Variants in SLC1A4 observed in about 807,000 individuals in gnomAD.
SLC1A4 encodes neutral amino acid transporter A.
A neutral mutation model predicts 37.7 loss-of-function variants in SLC1A4; 19 were observed. That is an observed-to-expected ratio of 0.50 (90% CI 0.35 to 0.74). The LOEUF (loss-of-function observed/expected upper bound fraction) is 0.74. SLC1A4 is among the 30% of genes least tolerant of loss of function. The pLI is 0.01. For missense variants in SLC1A4, 570 were observed against 712.9 expected (o/e 0.80, Z 2.28); for synonymous variants, 299 against 309.8 (o/e 0.97, Z 0.37).
At chr2:64,992,000 T>A (rs114897065) in intron 1 of SLC1A4, among the ~76,000 whole-genome samples, 1 of 152,338 alleles carries the variant, frequency 6.6e-6, no homozygotes, top group African/African-American at 2.4e-5. Flanking sequence ...AGCTTGATAT[T>A]TGGAGTCCAG....
chr2:64,994,066 C>A (rs1043985015), intron 1 of SLC1A4, among the ~76,000 whole-genome samples: 2 of 152,134 alleles, frequency 1.3e-5, no homozygotes, highest in Non-Finnish European at 2.9e-5. Flanking sequence ...GTATTGGGAA[C>A]CACATGGCAT....
chr2:64,996,683 A>G (rs530895580), intron 1 of SLC1A4, among the ~76,000 whole-genome samples: 1 of 152,238 alleles, frequency 6.6e-6, no homozygotes, highest in Non-Finnish European at 1.5e-5. Context: ...ATAGTCCAAC[A>G]TGGCAGCACA....
At chr2:64,995,213 C>T (rs566479641) in intron 1 of SLC1A4, among the ~76,000 whole-genome samples, 6 of 152,186 alleles carry the variant, frequency 3.9e-5, no homozygotes, top group Non-Finnish European at 8.8e-5. Flanking sequence ...AAGCCAACCA[C>T]CTGGGTTTGA....
At chr2:65,012,739 A>T (rs566359005) in intron 4 of SLC1A4, among the ~76,000 whole-genome samples, 12 of 152,156 alleles carry the variant, frequency 7.9e-5, no homozygotes, top group Non-Finnish European at 1.8e-4. Context: ...CAAAGTTTAG[A>T]CTAAAAAAAA....
intron 3 of SLC1A4, 132 bp downstream of exon 3, chr2:65,004,147 T>A: frequency 1.4e-6 from 1 of 709,606 alleles, no homozygotes; most frequent in South Asian, 1.7e-5. Flanking sequence ...CAGGTTAGGT[T>A]TGCTCCTTTG....
At chr2:65,016,369 C>T (rs1167673073) in intron 4 of SLC1A4, 71 bp from the exon 5 acceptor site, 13 of 1,224,216 alleles carry the variant, frequency 1.1e-5, no homozygotes, top group Non-Finnish European at 1.6e-5. Context: ...TGCATTCTGC[C>T]TCAGGAAGGA....
rs1674452517 is a variant in SLC1A4, at chr2:65,022,144, C to T, written c.*998C>T. ...TGCTGCACTGCAGCAAAAACAAAAC[C>T]ACCACCACCCCAGAGAAAACCATGT... is the stretch of plus-strand genomic sequence containing the variant. On this transcript the variant is annotated 3_prime_UTR_variant, in exon 8 of 8. Coordinates refer to ENST00000234256, the MANE Select transcript of SLC1A4 (RefSeq NM_003038.5). 6.6e-6 allele frequency: 1 copy of T among 152,376 alleles called. No homozygotes were observed. Among genetic ancestry groups the T allele is most frequent in the South Asian group, 2.1e-4 (1 of 4,826 alleles). The allele number at this position is 152,376 out of a possible 1,614,324, so 9.4% of individuals were successfully genotyped here.
At chr2:65,019,031 C>G (rs1301113502) in intron 7 of SLC1A4, among the ~76,000 whole-genome samples, 1 of 152,128 alleles carries the variant, frequency 6.6e-6, no homozygotes, top group African/African-American at 2.4e-5. Flanking sequence ...GAGCAGTGAT[C>G]CTTTGGGAAT....
Position 64,989,925 on chromosome 2 carries a change from G to A in SLC1A4, c.282G>A (p.Val94=). The part of the protein sequence containing the change: ...RMLRMIILPL[V]VCSLVSGAAS... The stretch of plus-strand genomic sequence containing the variant: ...TGCGCATGATCATCCTGCCGCTGGT[G>A]GTCTGCAGCCTGGTGTCGGGCGCCG... The change falls in exon 1 of 8, where the codon GTG becomes GTA. Residue 94 remains valine (V), a synonymous_variant. Coordinates refer to ENST00000234256, the MANE Select transcript of SLC1A4 (RefSeq NM_003038.5). The A allele has an allele frequency of 6.4e-7, 1 of 1,564,340 alleles. No individual in the cohort carries two copies. The highest frequency in any genetic ancestry group is 1.2e-5 in the South Asian group (1 of 85,638).
chr2:65,018,431 C>A lies in SLC1A4; in HGVS notation c.1230-114C>A. ...ACTCTCAAGGGCGTAGCCAGCAGAG[C>A]CTATGGTGGGGCGGTTTTTAGTTTC... On this transcript the variant is annotated intron_variant, in intron 6 of 7. Coordinates refer to ENST00000234256, the MANE Select transcript of SLC1A4 (RefSeq NM_003038.5). This position sits in a 1 kb window ranked among gnomAD's most constrained non-coding sequence, Gnocchi z 4.3. 1.4e-6 allele frequency: 2 copies of A among 1,470,112 alleles called. No homozygotes were observed. The allele number at this position is 1,470,112 out of a possible 1,614,324, so 91.1% of individuals were successfully genotyped here.
intron 1 of SLC1A4, among the ~76,000 whole-genome samples, chr2:64,998,986 A>G (rs370423642): frequency 5.3e-5 from 8 of 152,216 alleles, no homozygotes; most frequent in African/African-American, 1.9e-4. Flanking sequence ...TGTGTGGTGG[A>G]TACAGAACAG....
At chr2:64,988,711 C>G (rs1672901169), upstream of SLC1A4, 1 of 152,336 alleles carries the variant, frequency 6.6e-6, no homozygotes, top group Admixed American at 6.5e-5. Flanking sequence ...AGGCCGGGGC[C>G]TTGCTGGGCA....
Position 65,021,416 on chromosome 2 carries a change from C to T in SLC1A4, c.*270C>T. On this transcript the variant is annotated 3_prime_UTR_variant, in exon 8 of 8. Coordinates refer to ENST00000234256, the MANE Select transcript of SLC1A4 (RefSeq NM_003038.5). ...ACCAGGGATCTGTTTGGAAACAACC[C>T]CTTGAGCTGCCAGGCTCAAGAAATC... 2.2e-6 allele frequency: 1 copy of T among 462,742 alleles called. No individual in the cohort carries two copies. The highest frequency in any genetic ancestry group is 3.0e-5 in the South Asian group (1 of 33,136). The allele number at this position is 462,742 out of a possible 1,614,324, so 28.7% of individuals were successfully genotyped here.
At position 65,023,730 on chromosome 2, in the gene SLC1A4, T is replaced by TGTGTTG. The variant is rs1674523811; in HGVS notation, c.*2584_*2585insGTGTTG. ...TCTCACATCTCCTTGTCTGAAAACA[T>TGTGTTG]TTCCCCTGCTGTTCTCTTTCTAACA... On this transcript the variant is annotated 3_prime_UTR_variant, in exon 8 of 8. Transcript: ENST00000234256. 6.5e-6 allele frequency: 1 copy of TGTGTTG among 152,678 alleles called. No individual in the cohort carries two copies. Among genetic ancestry groups the TGTGTTG allele is most frequent in the African/African-American group, 2.4e-5 (1 of 41,456 alleles). 9.5% of individuals were successfully genotyped at this position (152,678 alleles called of 1,614,324 possible).
At chr2:65,020,297 T>C (rs1384791073) in intron 7 of SLC1A4, among the ~76,000 whole-genome samples, 1 of 152,214 alleles carries the variant, frequency 6.6e-6, no homozygotes, top group Non-Finnish European at 1.5e-5. Flanking sequence ...GTCAGGGTCT[T>C]ACTCTGTGGT....
At chr2:65,019,192 G>A (rs1674310493) in intron 7 of SLC1A4, among the ~76,000 whole-genome samples, 1 of 152,208 alleles carries the variant, frequency 6.6e-6, no homozygotes, top group South Asian at 2.1e-4. Flanking sequence ...GGGCTGCTGT[G>A]AAGACACAAA....
intron 1 of SLC1A4, chr2:65,000,921 G>A (rs753829785): frequency 3.3e-5 from 5 of 152,330 alleles, no homozygotes; most frequent in Admixed American, 1.3e-4. Context: ...CAACAAAAAC[G>A]CCCTTGGATT....
At chr2:65,001,425 C>A in intron 1 of SLC1A4, 23 bp from the exon 2 acceptor site, 2 of 1,612,086 alleles carry the variant, frequency 1.2e-6, no homozygotes, top group Non-Finnish European at 1.7e-6. Flanking sequence ...AGAATACTGA[C>A]AGAATGCTTT....
chr2:65,019,665 A>G (rs1452452356), intron 7 of SLC1A4, among the ~76,000 whole-genome samples: 1 of 152,202 alleles, frequency 6.6e-6, no homozygotes, highest in Admixed American at 6.5e-5. Flanking sequence ...AATGAGGGTA[A>G]AATCTGCAAA....
Sources: allele counts gnomAD v4.1 joint callset (sites outside exome capture counted in the v4.1 genomes callset), GRCh38; gene constraint gnomAD v4.1.1; non-coding constraint Gnocchi (gnomAD v3.1); transcripts MANE v1.5; gene names NCBI Gene and HGNC (gene_info 2026-07-23, HGNC 2026-07-21).